Variants in PDZD9 observed in about 807,000 individuals in gnomAD.
PDZD9 encodes PDZ domain-containing protein 9.
In PDZD9, 13 loss-of-function variants were observed where a neutral mutation model predicts 16.3. That is an observed-to-expected ratio of 0.80 (90% CI 0.52 to 1.27). The LOEUF (loss-of-function observed/expected upper bound fraction) is 1.27, where lower values mean the gene tolerates loss of function less well. PDZD9 is among the 50% of genes most tolerant of loss of function. The pLI, the probability that PDZD9 is intolerant of heterozygous loss-of-function variation, is 0.00. For missense variants in PDZD9, 288 were observed against 310.9 expected (o/e 0.93, Z 0.55); for synonymous variants, 120 against 111.0 (o/e 1.08, Z -0.51).
chr16:21,963,819 T>C, the PDZD9 span, among the ~76,000 whole-genome samples: 1 of 152,170 alleles, frequency 6.6e-6, no homozygotes. Flanking sequence ...TACACCAGTT[T>C]ATTGCTGCTG....
chr16:21,996,896 C>T (rs562537904), intron 1 of PDZD9, among the ~76,000 whole-genome samples: 10 of 152,300 alleles, frequency 6.6e-5, no homozygotes, highest in African/African-American at 2.4e-4. Flanking sequence ...TATCAGGGCT[C>T]ACTGCAGCCT....
the PDZD9 span, among the ~76,000 whole-genome samples, chr16:21,964,967 T>C: frequency 2.0e-5 from 3 of 152,174 alleles, no homozygotes; most frequent in Non-Finnish European, 4.4e-5. Context: ...GAAGCTCCCA[T>C]TGGTCCCCTG....
chr16:21,962,770 A>G, the PDZD9 span: 3 of 1,614,134 alleles, frequency 1.9e-6, no homozygotes, highest in South Asian at 1.1e-5. Context: ...GTGATATTCT[A>G]ATGGAGTTCC....
chr16:21,993,427 C>T (rs1271799962), intron 2 of PDZD9, among the ~76,000 whole-genome samples: 5 of 152,178 alleles, frequency 3.3e-5, no homozygotes, highest in African/African-American at 1.2e-4. Context: ...CAGAACTCTC[C>T]ACCGGCCGCC....
intron 1 of PDZD9, among the ~76,000 whole-genome samples, chr16:21,997,103 G>A (rs577454489): frequency 1.3e-5 from 2 of 152,302 alleles, no homozygotes; most frequent in East Asian, 1.9e-4. Context: ...CATTACAGGT[G>A]TGAGCCACCG....
At chr16:21,971,840 C>T in the PDZD9 span, 15 of 1,581,886 alleles carry the variant, frequency 9.5e-6, 1 homozygote, top group Admixed American at 2.0e-4. Flanking sequence ...TGGGTTAATA[C>T]TGTGTTGTAG....
At chr16:21,993,599 A>AT (rs940698100) in intron 2 of PDZD9, among the ~76,000 whole-genome samples, 3 of 152,176 alleles carry the variant, frequency 2.0e-5, no homozygotes, top group African/African-American at 7.2e-5. Context: ...CTTTTAAAAC[A>AT]TAAACTGCCC....
At chr16:21,995,193 T>G (rs921153714) in intron 2 of PDZD9, 1 of 456,090 alleles carries the variant, frequency 2.2e-6, no homozygotes, top group Non-Finnish European at 4.4e-6. Context: ...GTGTAGCACC[T>G]CCCCCTACTC....
chr16:21,973,524 T>A, the PDZD9 span, among the ~76,000 whole-genome samples: 3 of 152,138 alleles, frequency 2.0e-5, no homozygotes, highest in Non-Finnish European at 4.4e-5. Context: ...GGTGAAAAAG[T>A]CCCTACCAAC....
intron 2 of PDZD9, 127 bp from the exon 3 acceptor site, chr16:21,988,918 A>G: frequency 1.5e-6 from 1 of 659,062 alleles, no homozygotes; most frequent in Non-Finnish European, 2.3e-6. Context: ...AACCAAAACC[A>G]GGCTTCAGCC....
chr16:21,978,575 T>C, the PDZD9 span, among the ~76,000 whole-genome samples: 5 of 152,096 alleles, frequency 3.3e-5, no homozygotes, highest in Non-Finnish European at 7.4e-5. Context: ...GAGGCAGGAG[T>C]TGCTTCACTA....
At chr16:21,999,402 T>C (rs543056732) in intron 1 of PDZD9, 1 of 171,368 alleles carries the variant, frequency 5.8e-6, no homozygotes, top group African/African-American at 2.4e-5. Context: ...GGCAGCACTA[T>C]GGTCCTCGGA....
the PDZD9 span, chr16:21,962,201 C>T: frequency 4.3e-6 from 2 of 461,822 alleles, no homozygotes; most frequent in South Asian, 5.7e-5. Context: ...GGCTTATTAT[C>T]CTTAGCATAA....
rs199535034 is a variant in PDZD9 at position 21,988,625 on chromosome 16, A to G, written c.378T>C (p.Pro126=). Residue 126 remains proline, a synonymous_variant, in exon 3 of 4, where the codon CCT becomes CCC. Transcript: ENST00000424898. ...ACCTTGTTACTGGGAATTTGGCCTCAGGGATTAAATCATATATTTCTTGCC... is the reference window on the plus strand; with the variant it reads ...ACCTTGTTACTGGGAATTTGGCCTCGGGGATTAAATCATATATTTCTTGCC... The part of the protein sequence containing the change: ...EEWQEIYDLI[P]EAKFPVTSTP... 5.7e-5 allele frequency: 92 copies of G among 1,611,016 alleles called. No individual in the cohort carries two copies. The highest frequency in any genetic ancestry group is 7.8e-5 in the Non-Finnish European group (92 of 1,178,818).
the PDZD9 span, among the ~76,000 whole-genome samples, chr16:21,957,873 T>A: frequency 1.3e-5 from 2 of 152,244 alleles, no homozygotes; most frequent in African/African-American, 4.8e-5. Flanking sequence ...ACCCTTCATG[T>A]TCCTTGACCT....
At chr16:21,973,596 T>C in the PDZD9 span, among the ~76,000 whole-genome samples, 1 of 152,184 alleles carries the variant, frequency 6.6e-6, no homozygotes, top group Non-Finnish European at 1.5e-5. Context: ...AATAATAATG[T>C]TTGCAGATTA....
the PDZD9 span, chr16:21,958,525 C>T: frequency 6.2e-7 from 1 of 1,611,758 alleles, no homozygotes; most frequent in Non-Finnish European, 8.5e-7. Flanking sequence ...ATCATTCTTT[C>T]TTTTTCAAGA....
chr16:22,000,521 G>A (rs1254670771), intron 1 of PDZD9, among the ~76,000 whole-genome samples: 1 of 151,928 alleles, frequency 6.6e-6, no homozygotes, highest in East Asian at 1.9e-4. Flanking sequence ...TTGTCAAAAC[G>A]GTAGCTGTAC....
chr16:21,958,079 A>T, the PDZD9 span, among the ~76,000 whole-genome samples: 1 of 152,292 alleles, frequency 6.6e-6, no homozygotes, highest in African/African-American at 2.4e-5. Flanking sequence ...TTCTGGCTGG[A>T]CATAAATTTG....
Sources: gnomAD v4.1 joint callset for allele counts (sites outside exome capture counted in the v4.1 genomes callset) on GRCh38, gnomAD v4.1.1 for gene constraint, MANE v1.5 for transcripts, NCBI Gene and HGNC (gene_info 2026-07-23, HGNC 2026-07-21) for gene names.